PDE8B: variants seen among roughly 807,000 people sequenced by gnomAD.
The protein encoded by PDE8B is phosphodiesterase 8B, also known as high affinity cAMP-specific and IBMX-insensitive 3',5'-cyclic phosphodiesterase 8B.
A neutral mutation model predicts 101.3 loss-of-function variants in PDE8B; 26 were observed. That is an observed-to-expected ratio of 0.26 (90% confidence interval 0.19 to 0.36). PDE8B has a LOEUF of 0.36. Among genes scored for constraint, PDE8B ranks in the 10% least tolerant of loss-of-function variants. The probability of loss-of-function intolerance (pLI) is 1.00; values close to 1 mark genes in which losing one functional copy is unlikely to be tolerated. For missense variants in PDE8B, 810 were observed against 1,163.1 expected (o/e 0.70, Z 4.42); for synonymous variants, 424 against 429.3 (o/e 0.99, Z 0.15).
chr5:77,348,101 G>A (rs376995736), intron 7 of PDE8B, among the ~76,000 whole-genome samples: 3 of 152,124 alleles, frequency 2.0e-5, no homozygotes, highest in South Asian at 2.1e-4. Flanking sequence ...AGGGTTGATC[G>A]TGTTAATAGA....
chr5:77,312,841 C>T (rs780832570), intron 2 of PDE8B, among the ~76,000 whole-genome samples: 1 of 152,120 alleles, frequency 6.6e-6, no homozygotes, highest in African/African-American at 2.4e-5. Flanking sequence ...GTGACTTAAG[C>T]CAAGCAGCCT....
At chr5:77,311,717 CT>C (rs1772669852) in intron 1 of PDE8B, among the ~76,000 whole-genome samples, 1 of 152,164 alleles carries the variant, frequency 6.6e-6, no homozygotes, top group South Asian at 2.1e-4. Context: ...AATCCAGACA[CT>C]TCTAGTAAAA....
intron 10 of PDE8B, among the ~76,000 whole-genome samples, chr5:77,395,887 C>T (rs905000923): frequency 2.0e-5 from 3 of 152,190 alleles, no homozygotes; most frequent in African/African-American, 7.2e-5. Flanking sequence ...GGGTGCTCCA[C>T]GTAGCATTGG....
At chr5:77,271,304 G>A (rs1762750507) in intron 1 of PDE8B, among the ~76,000 whole-genome samples, 1 of 152,196 alleles carries the variant, frequency 6.6e-6, no homozygotes, top group Admixed American at 6.5e-5. Context: ...ACCTCCAGCT[G>A]AAGTCTGGTT....
intron 2 of PDE8B, among the ~76,000 whole-genome samples, chr5:77,324,177 G>A (rs10474500): frequency 0.78 from 118,126 of 152,060 alleles, 46,095 homozygotes; most frequent in East Asian, 0.97. Context: ...GTGCCTTAAC[G>A]ATATCTTGAG....
At chr5:77,317,813 A>G (rs1019078905) in intron 2 of PDE8B, among the ~76,000 whole-genome samples, 2 of 152,096 alleles carry the variant, frequency 1.3e-5, no homozygotes, top group African/African-American at 4.8e-5. Flanking sequence ...GGATCCCCAC[A>G]GCTGTGACCT....
intron 10 of PDE8B, among the ~76,000 whole-genome samples, chr5:77,386,865 CTTTTTTTTTTTTT>C (rs59393259): frequency 2.3e-4 from 12 of 51,082 alleles, no homozygotes; most frequent in African/African-American, 8.4e-4. Flanking sequence ...GATGTAGTTT[CTTTTTTTTTTTTT>C]TTTTTTTTTT....
At chr5:77,270,419 A>C (rs1762553241) in intron 1 of PDE8B, among the ~76,000 whole-genome samples, 1 of 152,162 alleles carries the variant, frequency 6.6e-6, no homozygotes. Flanking sequence ...TAATTTGACT[A>C]CTTCCTTTTC....
chr5:77,379,263 A>G (rs1581358943), intron 10 of PDE8B, among the ~76,000 whole-genome samples: 1 of 152,232 alleles, frequency 6.6e-6, no homozygotes, highest in Non-Finnish European at 1.5e-5. Context: ...ATCTAACAGC[A>G]GAAGAAGATA....
In PDE8B at chr5:77,211,026, A is replaced by C; in HGVS notation, c.101A>C (p.Gln34Pro). ...SSPRQTTSVS[Q>P]GPAAPLPGLF... Reference sequence around the variant, plus strand: ...CCCCGCCAGACCACCAGCGTGTCGCAGGGCCCGGCGGCACCCCTGCCCGGC... The same window carrying C: ...CCCCGCCAGACCACCAGCGTGTCGCCGGGCCCGGCGGCACCCCTGCCCGGC... The change falls in exon 1 of 22, where the codon CAG (glutamine) becomes CCG (proline). Residue 34 changes from glutamine to proline, a missense_variant. Coordinates refer to ENST00000264917, the MANE Select transcript of PDE8B (RefSeq NM_003719.5). The surrounding 1 kb of genome is among the most constrained non-coding windows in gnomAD (Gnocchi z 4.1). 6.5e-7 allele frequency: 1 copy of C among 1,544,580 alleles called. No individual in the cohort carries two copies. The highest frequency in any genetic ancestry group is 1.9e-5 in the Admixed American group (1 of 53,948).
At chr5:77,306,192 G>T (rs1771171168) in intron 1 of PDE8B, among the ~76,000 whole-genome samples, 2 of 152,232 alleles carry the variant, frequency 1.3e-5, no homozygotes, top group Non-Finnish European at 2.9e-5. Context: ...ATACCAGAAA[G>T]ATGAGTGCTG....
At chr5:77,260,704 C>G (rs965245887) in intron 1 of PDE8B, among the ~76,000 whole-genome samples, 46 of 151,504 alleles carry the variant, frequency 3.0e-4, no homozygotes, top group Middle Eastern at 3.4e-3. Context: ...TCTCACGCCT[C>G]AGCCACCTGA....
At chr5:77,263,474 A>G (rs1026565201) in intron 1 of PDE8B, among the ~76,000 whole-genome samples, 4 of 152,198 alleles carry the variant, frequency 2.6e-5, no homozygotes, top group African/African-American at 9.6e-5. Flanking sequence ...ATAGAATCTG[A>G]TAAGTACTTT....
chr5:77,332,837 CAAA>C (rs35330679), intron 5 of PDE8B, among the ~76,000 whole-genome samples: 26,919 of 108,818 alleles, frequency 0.25, 2,758 homozygotes, highest in Middle Eastern at 0.42. Flanking sequence ...AACTCCGTCT[CAAA>C]AAAAAAAAAA....
rs149173086 is a variant in PDE8B at position 77,256,252 on chromosome 5, T to TAC, written c.339+44989_339+44990dup. Among the ~76,000 whole-genome samples the TAC allele has an allele frequency of 2.6e-3, 393 of 152,320 alleles. 2 individuals are homozygous for TAC. Among genetic ancestry groups the TAC allele is most frequent in the African/African-American group, 8.9e-3 (372 of 41,574 alleles). Reference sequence around the variant, plus strand: ...CAAAGTGACCAGTGTTTACATTGGGTACGTATATGAGGTCTTCCCACACTT... The same window carrying TAC: ...CAAAGTGACCAGTGTTTACATTGGGTACACGTATATGAGGTCTTCCCACACTT... On this transcript the variant is annotated intron_variant, in intron 1 of 21. Transcript: ENST00000264917.
chr5:77,158,953 A>T, the PDE8B span, among the ~76,000 whole-genome samples: 13 of 152,152 alleles, frequency 8.5e-5, no homozygotes, highest in Admixed American at 1.3e-4. Context: ...TCCAGGAGGG[A>T]GTCAGGGAGC....
chr5:77,116,935 G>T, the PDE8B span, among the ~76,000 whole-genome samples: 1 of 152,130 alleles, frequency 6.6e-6, no homozygotes, highest in Non-Finnish European at 1.5e-5. Flanking sequence ...CACCACCACT[G>T]CCAGAGTAAG....
chr5:77,408,995 C>T lies in PDE8B; in HGVS notation c.1468C>T (p.Pro490Ser), dbSNP rs1363254128. Reference protein sequence around the residue: ...EILRTTELYSPQLGTKDEDPH... With the variant: ...EILRTTELYSSQLGTKDEDPH... ...TTTACGGACCACAGAACTGTACTCC[C>T]CTCAGCTGGGTACCAAAGATGAAGA... The change falls in exon 14 of 22, where the codon CCT (proline) becomes TCT (serine). Residue 490 changes from proline (P) to serine (S), a missense_variant. By Grantham distance (74) the Pro-to-Ser change is moderately conservative. This residue lies in a region of PDE8B where 325 missense variants were observed against 560.9 expected (regional missense o/e 0.58). Transcript: ENST00000264917. 2 of 1,613,628 alleles carry T rather than the reference C, an allele frequency of 1.2e-6. No homozygotes were observed. The highest frequency in any genetic ancestry group is 1.1e-5 in the South Asian group (1 of 91,058).
intron 10 of PDE8B, among the ~76,000 whole-genome samples, chr5:77,356,922 G>C (rs1782207544): frequency 6.6e-6 from 1 of 152,120 alleles, no homozygotes; most frequent in Admixed American, 6.6e-5. Context: ...ATGAGCTACA[G>C]ACTTCCTCTC....
Sources: gnomAD v4.1 joint callset for allele counts (sites outside exome capture counted in the v4.1 genomes callset) on GRCh38, gnomAD v4.1.1 for gene constraint, gnomAD v4.1.1 regional missense constraint, Gnocchi (gnomAD v3.1) non-coding constraint, MANE v1.5 for transcripts, NCBI Gene and HGNC (gene_info 2026-07-23, HGNC 2026-07-21) for gene names.